EXOSC1: variants seen among roughly 807,000 people sequenced by gnomAD.
The protein encoded by EXOSC1 is exosome complex component CSL4.
EXOSC1 carries 27 observed loss-of-function variants against 31.4 expected under a neutral mutation model. The ratio of observed to expected loss-of-function variants is 0.86; its 90% confidence interval spans 0.63 to 1.18. The LOEUF (loss-of-function observed/expected upper bound fraction) is 1.18. Ranked by LOEUF, EXOSC1 falls within the 50% of genes most tolerant of loss-of-function variation. The pLI is 0.00. For synonymous variants in EXOSC1, 84 were observed against 89.5 expected, an observed-to-expected ratio of 0.94 and a Z score of 0.35; for missense variants, 228 against 250.3, an observed-to-expected ratio of 0.91 and a Z score of 0.60.
chr10:97,437,355 CT>C (rs879117300), intron 6 of EXOSC1, 80 bp from the exon 7 acceptor site: 22,504 of 823,124 alleles, frequency 0.027, no homozygotes, highest in South Asian at 0.036. Context: ...GTTTTTCTAC[CT>C]TTTTTTTTTT....
chr10:97,439,336 G>T (rs770532401), intron 4 of EXOSC1, among the ~76,000 whole-genome samples: 1 of 152,204 alleles, frequency 6.6e-6, no homozygotes, highest in Non-Finnish European at 1.5e-5. Flanking sequence ...AGAAGGAAGT[G>T]AGTGGCAGGC....
intron 5 of EXOSC1, 48 bp downstream of exon 5, chr10:97,438,622 G>A: frequency 1.3e-6 from 2 of 1,571,028 alleles, no homozygotes; most frequent in Non-Finnish European, 8.7e-7. Flanking sequence ...ATACTTTTAA[G>A]GGATTGAGAT....
chr10:97,436,923 CA>C (rs1200292906), intron 7 of EXOSC1, among the ~76,000 whole-genome samples: 2 of 152,150 alleles, frequency 1.3e-5, no homozygotes, highest in East Asian at 3.9e-4. Context: ...ACTTGGGTGA[CA>C]AGAATTGCTT....
intron 7 of EXOSC1, 62 bp downstream of exon 7, chr10:97,437,129 A>G (rs1353267751): frequency 4.2e-5 from 59 of 1,413,986 alleles, no homozygotes; most frequent in Non-Finnish European, 5.7e-5. Context: ...AGGAAAAACA[A>G]TGGATTTATC....
At chr10:97,442,894 T>C (rs1454754470) in intron 3 of EXOSC1, among the ~76,000 whole-genome samples, 6 of 152,170 alleles carry the variant, frequency 3.9e-5, no homozygotes, top group Non-Finnish European at 1.5e-5. Context: ...TTGGCCATGA[T>C]TGGCCAGGCT....
chr10:97,443,236 C>A lies in EXOSC1; in HGVS notation c.222+1G>T, dbSNP rs769497935. On this transcript the variant is annotated splice_donor_variant, in intron 3 of 7. Transcript: ENST00000370902. LOFTEE classifies it high-confidence loss of function. The stretch of plus-strand genomic sequence containing the variant: ...AAGCATGGAGGTCAGGACCAACTTA[C>A]CTTACAGGTTACAATAGCTCCCACA... 6.2e-7 allele frequency: 1 copy of A among 1,613,584 alleles called. No homozygotes were observed. The highest frequency in any genetic ancestry group is 1.7e-4 in the Middle Eastern group (1 of 6,060).
intron 4 of EXOSC1, 47 bp from the exon 5 acceptor site, chr10:97,438,750 A>ATTTTTTTTTTT (rs11316935): frequency 1.1e-6 from 1 of 923,158 alleles, no homozygotes; most frequent in African/African-American, 1.9e-5. Context: ...GTGAGAAAGA[A>ATTTTTTTTTTT]TTTTTTTTTT....
rs1163917760 is a variant in EXOSC1, at chr10:97,436,284, A to G, written c.*161T>C. The G allele has an allele frequency of 3.4e-6, 2 of 591,986 alleles. No homozygotes were observed. The highest frequency in any genetic ancestry group is 6.0e-6 in the Non-Finnish European group (2 of 333,230). 36.7% of individuals were successfully genotyped at this position (591,986 alleles called of 1,614,324 possible). On this transcript the variant is annotated 3_prime_UTR_variant, in exon 8 of 8. Transcript: ENST00000370902. ...TTTATTACTCAAGAGAATGAAATCC[A>G]CTGATAGGTTCACAGAAACATGTTC...
At chr10:97,436,625 G>A in intron 7 of EXOSC1, 74 bp from the exon 8 acceptor site, 1 of 1,399,980 alleles carries the variant, frequency 7.1e-7, no homozygotes. Flanking sequence ...TGCTGGGTAT[G>A]AAGCTGAAGT....
At chr10:97,445,711 A>G (rs769073450) in intron 2 of EXOSC1, 21 bp downstream of exon 2, 2 of 1,609,862 alleles carry the variant, frequency 1.2e-6, no homozygotes, top group South Asian at 2.2e-5. Context: ...CAGAGGGGAG[A>G]TGGCATGCCG....
rs140821117 is a variant in EXOSC1, at chr10:97,437,979, G to A, written c.346-229C>T. On this transcript the variant is annotated intron_variant, in intron 5 of 7. Coordinates refer to ENST00000370902, the MANE Select transcript of EXOSC1 (RefSeq NM_016046.5). ...CTGTCGCCCACACTGGAGTGCAGTG[G>A]TGCGATCTCGGCTCACTGCAACCTC... Among the ~76,000 whole-genome samples, 997 of 152,074 alleles carry A rather than the reference G, an allele frequency of 6.6e-3. 14 individuals are homozygous for A. The highest frequency in any genetic ancestry group is 0.023 in the African/African-American group (935 of 41,484).
chr10:97,441,260 C>T lies in EXOSC1; in HGVS notation c.223-1G>A. 1 of 1,613,614 alleles carries T rather than the reference C, an allele frequency of 6.2e-7. No homozygotes were observed. The highest frequency in any genetic ancestry group is 2.2e-5 in the East Asian group (1 of 44,870). Reference sequence around the variant, plus strand: ...CAAAGCGTGAATTGATGCTAGAGACCTGCGGAATAGAGAAAAGATCAGCAT... The same window carrying T: ...CAAAGCGTGAATTGATGCTAGAGACTTGCGGAATAGAGAAAAGATCAGCAT... On this transcript the variant is annotated splice_acceptor_variant, in intron 3 of 7. Coordinates refer to ENST00000370902, the MANE Select transcript of EXOSC1 (RefSeq NM_016046.5). LOFTEE classifies it high-confidence loss of function.
At position 97,443,270 on chromosome 10, in the gene EXOSC1, T is replaced by C; in HGVS notation, c.189A>G (p.Leu63=). 2.5e-6 allele frequency: 4 copies of C among 1,614,136 alleles called. No individual in the cohort carries two copies. Among genetic ancestry groups the C allele is most frequent in the Non-Finnish European group, 3.4e-6 (4 of 1,180,014 alleles). ...TTACAATAGCTCCCACATCTGGCAG[T>C]AACTGGGACTCTGTTTCTCTCACTA... ...VSVVRETESQ[L]LPDVGAIVTC... The change falls in exon 3 of 8, where the codon TTA becomes TTG. Residue 63 remains leucine (L), a synonymous_variant. Coordinates refer to ENST00000370902, the MANE Select transcript of EXOSC1 (RefSeq NM_016046.5).
At chr10:97,439,297 C>T (rs1845642643) in intron 4 of EXOSC1, among the ~76,000 whole-genome samples, 3 of 152,332 alleles carry the variant, frequency 2.0e-5, no homozygotes, top group South Asian at 4.1e-4. Flanking sequence ...CCCCCAACTT[C>T]TGGTGGCCTG....
At chr10:97,439,777 A>G (rs912063266) in intron 4 of EXOSC1, among the ~76,000 whole-genome samples, 1 of 152,150 alleles carries the variant, frequency 6.6e-6, no homozygotes, top group Non-Finnish European at 1.5e-5. Context: ...GGACTGCTGC[A>G]CTACAGAACC....
chr10:97,438,743 A>T, intron 4 of EXOSC1, 40 bp from the exon 5 acceptor site: 1 of 1,407,644 alleles, frequency 7.1e-7, no homozygotes, highest in Non-Finnish European at 9.9e-7. Flanking sequence ...ATTACCTGTG[A>T]GAAAGAATTT....
intron 6 of EXOSC1, 77 bp from the exon 7 acceptor site, chr10:97,437,352 TA>T: frequency 8.4e-7 from 1 of 1,187,726 alleles, no homozygotes; most frequent in African/African-American, 1.5e-5. Context: ...GTTGTTTTTC[TA>T]CCTTTTTTTT....
Position 97,445,743 on chromosome 10 carries a change from C to T in EXOSC1, c.136G>A (p.Glu46Lys), listed in dbSNP as rs1845945708. The change falls in exon 2 of 8, where the codon GAG becomes AAG. Residue 46 changes from glutamate to lysine, a missense_variant. Glu to Lys is a moderately conservative substitution (Grantham distance 56). Coordinates refer to ENST00000370902, the MANE Select transcript of EXOSC1 (RefSeq NM_016046.5). ...SLAGCLMKSS[E>K]NGALPVVSVV... is the part of the protein sequence containing the mutation. Reference sequence around the variant, plus strand: ...GCCGCTTCCTTTACCGCGCCATTCTCGCTGCTCTTCATCAGACAGCCGGCA... The same window carrying T: ...GCCGCTTCCTTTACCGCGCCATTCTTGCTGCTCTTCATCAGACAGCCGGCA... The T allele has an allele frequency of 6.2e-7, 1 of 1,613,386 alleles. No homozygotes were observed. The highest frequency in any genetic ancestry group is 8.5e-7 in the Non-Finnish European group (1 of 1,179,418).
At chr10:97,437,095 AC>A in intron 7 of EXOSC1, 95 bp downstream of exon 7, 1 of 1,061,318 alleles carries the variant, frequency 9.4e-7, no homozygotes, top group Non-Finnish European at 1.5e-6. Flanking sequence ...CTATAGCCAT[AC>A]TGCTTCCCAG....
Sources: allele counts gnomAD v4.1 joint callset (sites outside exome capture counted in the v4.1 genomes callset), GRCh38; gene constraint gnomAD v4.1.1; transcripts MANE v1.5; gene names NCBI Gene and HGNC (gene_info 2026-07-23, HGNC 2026-07-21).